GATA1: variants seen among roughly 807,000 people sequenced by gnomAD.
The protein encoded by GATA1 is GATA binding protein 1.
GATA1 carries 2 observed loss-of-function variants against 18.9 expected under a neutral mutation model. The observed-to-expected ratio is 0.11, with a 90% confidence interval of 0.04 to 0.33. The LOEUF (loss-of-function observed/expected upper bound fraction) is 0.33, where lower values mean the gene tolerates loss of function less well. Among genes scored for constraint, GATA1 ranks in the 10% least tolerant of loss-of-function variants. The pLI is 1.00. For missense variants in GATA1, 272 were observed against 344.7 expected, an observed-to-expected ratio of 0.79 and a Z score of 1.67; for synonymous variants, 152 against 149.1, an observed-to-expected ratio of 1.02 and a Z score of -0.14.
intron 3 of GATA1, 23 bp downstream of exon 3, chrX:48,792,244 G>A: frequency 8.3e-7 from 1 of 1,211,741 alleles, no homozygotes; most frequent in Non-Finnish European, 1.1e-6. Context: ...AAAAAGGACA[G>A]GGAAGTTGAG....
intron 1 of GATA1, among the ~76,000 whole-genome samples, chrX:48,787,650 A>G (rs912273793): frequency 9.0e-6 from 1 of 110,500 alleles, no homozygotes; most frequent in African/African-American, 3.3e-5. Flanking sequence ...TGAGCCCAAA[A>G]TGTGTCTCTG....
At chrX:48,790,448 C>CA (rs1181136327) in intron 1 of GATA1, among the ~76,000 whole-genome samples, 1 of 108,252 alleles carries the variant, frequency 9.2e-6, no homozygotes, top group Non-Finnish European at 1.9e-5. Flanking sequence ...GACCCTGCCT[C>CA]AAAAAAAAGT....
At chrX:48,788,414 C>T (rs921049365) in intron 1 of GATA1, among the ~76,000 whole-genome samples, 3 of 110,982 alleles carry the variant, frequency 2.7e-5, no homozygotes, top group African/African-American at 6.6e-5. Flanking sequence ...CAGAGATACA[C>T]GCAGGTAGCA....
In GATA1 at chrX:48,793,146, T is replaced by C. The variant is rs200794395; in HGVS notation, c.745-26T>C. 7 of 1,206,550 alleles carry C rather than the reference T, an allele frequency of 5.8e-6. No homozygotes were observed. The Admixed American group carries it at 1.5e-4, about 26-fold the overall frequency. On this transcript the variant is annotated intron_variant, in intron 4 of 5. Coordinates refer to ENST00000376670, the MANE Select transcript of GATA1 (RefSeq NM_002049.4). ...CCCCACTTCCACATCCCCAGGGCAC[T>C]GATCTCACATCCTGTCGTCCCCTAG...
intron 4 of GATA1, 74 bp from the exon 5 acceptor site, chrX:48,793,098 G>A: frequency 1.8e-6 from 2 of 1,135,678 alleles, no homozygotes; most frequent in South Asian, 1.8e-5. Flanking sequence ...GGGTCCTCCT[G>A]ACATCCCCTG....
intron 1 of GATA1, among the ~76,000 whole-genome samples, chrX:48,788,838 C>T (rs2062665323): frequency 9.1e-6 from 1 of 109,916 alleles, no homozygotes; most frequent in Non-Finnish European, 1.9e-5. Context: ...TCAGAGGGCC[C>T]AAAGAGAGGG....
In GATA1 at chrX:48,793,908, G is replaced by A; in HGVS notation, c.986G>A (p.Gly329Glu). Residue 329 changes from glycine to glutamate, a missense_variant, in exon 6 of 6, where the codon GGA becomes GAA. Physicochemically the swap from Gly to Glu is moderately conservative, Grantham distance 98. Transcript: ENST00000376670. ...CTGGGAGGCACAGGAGCAGCCGAAG[G>A]ACCAGCTGGTGGCTTTATGGTGGTG... The part of the protein sequence containing the change: ...SSLGGTGAAE[G>E]PAGGFMVVAG... The A allele has an allele frequency of 8.3e-7, 1 of 1,207,108 alleles. No homozygotes were observed. Among genetic ancestry groups the A allele is most frequent in the Non-Finnish European group, 1.1e-6 (1 of 892,886 alleles).
intron 1 of GATA1, among the ~76,000 whole-genome samples, chrX:48,789,740 C>A (rs1040755819): frequency 5.7e-4 from 63 of 110,916 alleles, no homozygotes; most frequent in Admixed American, 1.0e-3. Context: ...CTGACCCCCC[C>A]CCAACCAAGA....
rs782306488 is a variant in GATA1, at chrX:48,793,694, A to G, written c.871-99A>G. 135 of 1,118,350 alleles carry G rather than the reference A, an allele frequency of 1.2e-4. No homozygotes were observed. In the South Asian group the frequency reaches 2.4e-3, roughly 20 times the overall value. 92.2% of individuals were successfully genotyped at this position (1,118,350 alleles called of 1,213,427 possible). ...TGGACAATCTCAGCACCCAAAAATTATCTTACCCTGAAAGAAGTGGGGTAG... is the reference window on the plus strand; with the variant it reads ...TGGACAATCTCAGCACCCAAAAATTGTCTTACCCTGAAAGAAGTGGGGTAG... On this transcript the variant is annotated intron_variant, in intron 5 of 5. Coordinates refer to ENST00000376670, the MANE Select transcript of GATA1 (RefSeq NM_002049.4).
At chrX:48,793,534 C>T (rs781853054) in intron 5 of GATA1, among the ~76,000 whole-genome samples, 1 of 103,934 alleles carries the variant, frequency 9.6e-6, no homozygotes, top group East Asian at 3.1e-4. Context: ...CCTCCTCCTC[C>T]GCCCTCCTCC....
chrX:48,789,326 A>G (rs2062666807), intron 1 of GATA1, among the ~76,000 whole-genome samples: 2 of 111,149 alleles, frequency 1.8e-5, no homozygotes, highest in South Asian at 7.4e-4. Flanking sequence ...AAAAAAAGAA[A>G]AAGAAAAAGC....
intron 1 of GATA1, among the ~76,000 whole-genome samples, chrX:48,790,008 G>A (rs1024371950): frequency 2.7e-5 from 3 of 109,236 alleles, no homozygotes; most frequent in Non-Finnish European, 3.8e-5. Flanking sequence ...AAGGACGGGG[G>A]GACGGGGAGA....
chrX:48,793,355 C>A, intron 5 of GATA1, 58 bp downstream of exon 5: 3 of 1,131,255 alleles, frequency 2.7e-6, no homozygotes, highest in Admixed American at 4.4e-5. Context: ...TGCCACACTG[C>A]CCCCCACTCT....
Position 48,794,212 on chromosome X carries a change from T to G in GATA1, c.*48T>G. On this transcript the variant is annotated 3_prime_UTR_variant, in exon 6 of 6. Coordinates refer to ENST00000376670, the MANE Select transcript of GATA1 (RefSeq NM_002049.4). The stretch of plus-strand genomic sequence containing the variant: ...AGGAGGGGTGGTGTCCTTCTCCTCT[T>G]GTAGCCAGAATTCTGGACAACCCAA... 8.4e-7 allele frequency: 1 copy of G among 1,191,384 alleles called. No homozygotes were observed.
At position 48,794,101 on chromosome X, in the gene GATA1, C is replaced by G. The variant is rs781868016; in HGVS notation, c.1179C>G (p.Ser393=). Residue 393 remains serine, a synonymous_variant, in exon 6 of 6, where the codon TCC becomes TCG. Transcript: ENST00000376670. Reference sequence around the variant, plus strand: ...CCCTACTGGGCTCACCCACGGGCTCCTTCCCCACAGGCCCCATGCCCCCCA... The same window carrying G: ...CCCTACTGGGCTCACCCACGGGCTCGTTCCCCACAGGCCCCATGCCCCCCA... ...PGPLLGSPTG[S]FPTGPMPPTT... is the part of the protein sequence containing the mutation. 1.7e-6 allele frequency: 2 copies of G among 1,197,418 alleles called. No homozygotes were observed. Among genetic ancestry groups the G allele is most frequent in the South Asian group, 3.7e-5 (2 of 54,040 alleles).
At chrX:48,788,244 G>T (rs2062663874) in intron 1 of GATA1, among the ~76,000 whole-genome samples, 2 of 110,306 alleles carry the variant, frequency 1.8e-5, no homozygotes, top group Admixed American at 9.7e-5. Flanking sequence ...GAGATGGGAA[G>T]AGAGAGACAG....
Position 48,794,170 on chromosome X carries a change from C to A in GATA1, c.*6C>A. On this transcript the variant is annotated 3_prime_UTR_variant, in exon 6 of 6. Coordinates refer to ENST00000376670, the MANE Select transcript of GATA1 (RefSeq NM_002049.4). ...TGGCTCCGCTCAGCTCATGAGGGCA[C>A]AGAGCATGGCCTCCAGAGGAGGGGT... 8.4e-7 allele frequency: 1 copy of A among 1,185,423 alleles called. No individual in the cohort carries two copies. Among genetic ancestry groups the A allele is most frequent in the Non-Finnish European group, 1.1e-6 (1 of 881,740 alleles).
intron 1 of GATA1, among the ~76,000 whole-genome samples, chrX:48,787,909 A>G (rs2062662900): frequency 9.0e-6 from 1 of 111,291 alleles, no homozygotes; most frequent in Non-Finnish European, 1.9e-5. Context: ...GGGAGAGTGG[A>G]GGGTGCCAGC....
chrX:48,791,675 G>A (rs953574838), intron 2 of GATA1, among the ~76,000 whole-genome samples, 169 bp from the exon 3 acceptor site: 1 of 111,969 alleles, frequency 8.9e-6, no homozygotes, highest in Non-Finnish European at 1.9e-5. Context: ...ACCAGTGGGG[G>A]TCAGGATCCA....
Sources: gnomAD v4.1 joint callset for allele counts (sites outside exome capture counted in the v4.1 genomes callset) on GRCh38, gnomAD v4.1.1 for gene constraint, MANE v1.5 for transcripts, NCBI Gene and HGNC (gene_info 2026-07-23, HGNC 2026-07-21) for gene names.